SEMA3E: variants seen among roughly 807,000 people sequenced by gnomAD.
The protein encoded by SEMA3E is semaphorin-3E.
Under a neutral mutation model 93.6 loss-of-function variants are expected in SEMA3E, and 49 were observed. The ratio of observed to expected loss-of-function variants is 0.52; its 90% CI spans 0.42 to 0.66. The LOEUF is 0.66. Ranked by LOEUF, SEMA3E falls within the 30% of genes least tolerant of loss-of-function variation. The probability of loss-of-function intolerance (pLI) is 0.00; values close to 1 mark genes in which losing one functional copy is unlikely to be tolerated. For synonymous variants in SEMA3E, 363 were observed against 330.7 expected, an observed-to-expected ratio of 1.10 and a Z score of -1.06; for missense variants, 906 against 964.8, an observed-to-expected ratio of 0.94 and a Z score of 0.81.
At position 83,575,607 on chromosome 7, in the gene SEMA3E, C is replaced by T. The variant is rs1360771575; in HGVS notation, c.115+72821G>A. On this transcript the variant is annotated intron_variant, in intron 1 of 16. Coordinates refer to ENST00000643230, the MANE Select transcript of SEMA3E (RefSeq NM_012431.3). Reference sequence around the variant, plus strand: ...TATTTGTTTATTTTTATGTCAGCCCCGGGCCTCATAATTATCTGGAACAGC... The same window carrying T: ...TATTTGTTTATTTTTATGTCAGCCCTGGGCCTCATAATTATCTGGAACAGC... Among the ~76,000 whole-genome samples the T allele has an allele frequency of 3.9e-5, 6 of 152,092 alleles. 1 individual carries two copies. The highest frequency in any genetic ancestry group is 9.6e-5 in the African/African-American group (4 of 41,486).
At chr7:83,595,275 C>T (rs1677173418) in intron 1 of SEMA3E, among the ~76,000 whole-genome samples, 1 of 152,142 alleles carries the variant, frequency 6.6e-6, no homozygotes, top group African/African-American at 2.4e-5. Flanking sequence ...TTTCACAATT[C>T]CATGACATAT....
At chr7:83,467,836 T>C (rs1307421463) in intron 3 of SEMA3E, among the ~76,000 whole-genome samples, 1 of 152,160 alleles carries the variant, frequency 6.6e-6, no homozygotes, top group Non-Finnish European at 1.5e-5. Context: ...ATACATAACA[T>C]GCTTAACAAA....
chr7:83,479,925 A>G (rs1000168717), intron 2 of SEMA3E, among the ~76,000 whole-genome samples: 3 of 152,356 alleles, frequency 2.0e-5, no homozygotes, highest in South Asian at 2.1e-4. Context: ...ACACAAATAC[A>G]TAAGATCTAG....
At chr7:83,454,185 G>A (rs1412753316) in intron 4 of SEMA3E, among the ~76,000 whole-genome samples, 1 of 146,680 alleles carries the variant, frequency 6.8e-6, no homozygotes, top group East Asian at 2.0e-4. Flanking sequence ...GTGAACCCGG[G>A]AGGCGGAGCT....
intron 1 of SEMA3E, among the ~76,000 whole-genome samples, chr7:83,536,676 A>G (rs1791415713): frequency 6.6e-6 from 1 of 152,192 alleles, no homozygotes; most frequent in African/African-American, 2.4e-5. Flanking sequence ...GAATATAAAT[A>G]TTAAAAAAAC....
At chr7:83,529,257 G>A (rs1459264375) in intron 1 of SEMA3E, among the ~76,000 whole-genome samples, 1 of 152,050 alleles carries the variant, frequency 6.6e-6, no homozygotes, top group Middle Eastern at 3.2e-3. Flanking sequence ...TAGCATCATG[G>A]CCTAAAACTG....
intron 4 of SEMA3E, among the ~76,000 whole-genome samples, chr7:83,454,272 A>AAAAAATATATATATATAT: frequency 9.1e-6 from 1 of 110,112 alleles, no homozygotes; most frequent in African/African-American, 4.3e-5. Flanking sequence ...AAAAAAAAAA[A>AAAAAATATATATATATAT]ATATATATAT....
intron 16 of SEMA3E, among the ~76,000 whole-genome samples, chr7:83,377,971 G>T (rs1352670213): frequency 6.6e-6 from 1 of 151,864 alleles, no homozygotes. Context: ...TATTATGGAG[G>T]TTCATAAATT....
chr7:83,501,394 T>G (rs896310784), intron 1 of SEMA3E, among the ~76,000 whole-genome samples: 1 of 152,232 alleles, frequency 6.6e-6, no homozygotes, highest in African/African-American at 2.4e-5. Flanking sequence ...TAATGTATTC[T>G]CTACGATCTG....
At chr7:83,470,992 A>G (rs1321822709) in intron 2 of SEMA3E, among the ~76,000 whole-genome samples, 1 of 151,678 alleles carries the variant, frequency 6.6e-6, no homozygotes, top group Admixed American at 6.6e-5. Context: ...ACATAGTTAC[A>G]ATGATGTATA....
chr7:83,438,015 A>G (rs1226323492), intron 4 of SEMA3E, among the ~76,000 whole-genome samples: 1 of 152,196 alleles, frequency 6.6e-6, no homozygotes, highest in East Asian at 1.9e-4. Context: ...ATATTCTGTG[A>G]GGCCACATCA....
intron 1 of SEMA3E, among the ~76,000 whole-genome samples, chr7:83,610,172 A>T (rs1793220731): frequency 6.6e-6 from 1 of 152,054 alleles, no homozygotes; most frequent in Non-Finnish European, 1.5e-5. Flanking sequence ...AGTTCCTAGA[A>T]TGAAAAAGAT....
chr7:83,526,347 C>T (rs1235852682), intron 1 of SEMA3E, among the ~76,000 whole-genome samples: 1 of 151,984 alleles, frequency 6.6e-6, no homozygotes, highest in African/African-American at 2.4e-5. Context: ...TCCAGTACTT[C>T]AGTGCAAAGA....
intron 1 of SEMA3E, among the ~76,000 whole-genome samples, chr7:83,584,617 G>A (rs1792583099): frequency 6.6e-6 from 1 of 152,068 alleles, no homozygotes; most frequent in Admixed American, 6.6e-5. Context: ...ATAACACAAA[G>A]CAAGCTGCTC....
chr7:83,566,338 A>C (rs1792154673), intron 1 of SEMA3E, among the ~76,000 whole-genome samples: 1 of 151,878 alleles, frequency 6.6e-6, no homozygotes, highest in South Asian at 2.1e-4. Context: ...TAAACATATC[A>C]AACTCTTTTA....
chr7:83,569,925 T>A (rs1471241859), intron 1 of SEMA3E, among the ~76,000 whole-genome samples: 1 of 152,132 alleles, frequency 6.6e-6, no homozygotes, highest in East Asian at 1.9e-4. Context: ...TATAAATTAT[T>A]CTCACCCATA....
At chr7:83,511,457 G>A (rs1164156117) in intron 1 of SEMA3E, among the ~76,000 whole-genome samples, 11 of 151,980 alleles carry the variant, frequency 7.2e-5, no homozygotes, top group Admixed American at 7.2e-4. Context: ...GAAGGTCTGA[G>A]GTGATCTACT....
intron 1 of SEMA3E, among the ~76,000 whole-genome samples, chr7:83,578,031 A>G (rs1364032171): frequency 1.3e-5 from 2 of 152,120 alleles, no homozygotes; most frequent in African/African-American, 4.8e-5. Context: ...GTAGCTAAAC[A>G]TTAACTCGTA....
chr7:83,638,432 C>T (rs1406627688), intron 1 of SEMA3E, among the ~76,000 whole-genome samples: 5 of 152,156 alleles, frequency 3.3e-5, no homozygotes, highest in African/African-American at 1.2e-4. Flanking sequence ...AATGCTTTTC[C>T]ATGATCGATC....
Sources: allele counts gnomAD v4.1 joint callset (sites outside exome capture counted in the v4.1 genomes callset), GRCh38; gene constraint gnomAD v4.1.1; transcripts MANE v1.5; gene names NCBI Gene and HGNC (gene_info 2026-07-23, HGNC 2026-07-21).